MAN1C1: variants seen among roughly 807,000 people sequenced by gnomAD.
MAN1C1 encodes mannosyl-oligosaccharide 1,2-alpha-mannosidase IC.
In MAN1C1, 49 loss-of-function variants were observed where a neutral mutation model predicts 71.5. The observed-to-expected ratio is 0.69, with a 90% CI of 0.54 to 0.87. The LOEUF (loss-of-function observed/expected upper bound fraction) is 0.87, where lower values mean the gene tolerates loss of function less well. Ranked by LOEUF, MAN1C1 falls within the 40% of genes least tolerant of loss-of-function variation. The pLI is 0.00. For synonymous variants in MAN1C1, 352 were observed against 343.7 expected (o/e 1.02, Z -0.27); for missense variants, 743 against 835.0 (o/e 0.89, Z 1.36).
rs2047127835 is a variant in MAN1C1 at position 25,746,340 on chromosome 1, CAGAGA to C, written c.638-326_638-322del. On this transcript the variant is annotated intron_variant, in intron 2 of 11. Coordinates refer to ENST00000374332, the MANE Select transcript of MAN1C1 (RefSeq NM_020379.4). The surrounding 1 kb of genome is among the most constrained non-coding windows in gnomAD (Gnocchi z 4.0). Reference sequence around the variant, plus strand: ...AAACAAAGATTTTTATATGCCAAAGCAGAGAAAAGTGGGTGGCTGATTGGCACTGA... The same window carrying C: ...AAACAAAGATTTTTATATGCCAAAGCAAAGTGGGTGGCTGATTGGCACTGA... 6.6e-6 allele frequency among the ~76,000 whole-genome samples: 1 copy of C among 152,170 alleles called. No homozygotes were observed. The highest frequency in any genetic ancestry group is 2.1e-4 in the South Asian group (1 of 4,832).
At chr1:25,749,227 T>C (rs763325860) in intron 3 of MAN1C1, 28 bp from the exon 4 acceptor site, 6 of 1,598,532 alleles carry the variant, frequency 3.8e-6, no homozygotes, top group Non-Finnish European at 5.1e-6. Context: ...GTGTCCCCAC[T>C]GTCCCCCTCC....
chr1:25,670,522 CATTT>C (rs1484686703), intron 1 of MAN1C1, among the ~76,000 whole-genome samples: 4 of 152,212 alleles, frequency 2.6e-5, no homozygotes, highest in Non-Finnish European at 4.4e-5. Context: ...GGACATTTCT[CATTT>C]TCAAAGAGAA....
intron 2 of MAN1C1, among the ~76,000 whole-genome samples, chr1:25,697,783 T>C (rs1351398910): frequency 6.6e-6 from 1 of 152,214 alleles, no homozygotes; most frequent in African/African-American, 2.4e-5. Context: ...ATTGGTATGT[T>C]AAGTTTTAGT....
intron 2 of MAN1C1, among the ~76,000 whole-genome samples, chr1:25,718,524 T>C (rs1189081941): frequency 6.6e-6 from 1 of 152,242 alleles, no homozygotes; most frequent in East Asian, 1.9e-4. Flanking sequence ...TTTACAGCAT[T>C]GTATAAACAT....
chr1:25,702,929 CTG>C (rs2046466256), intron 2 of MAN1C1, among the ~76,000 whole-genome samples: 1 of 152,202 alleles, frequency 6.6e-6, no homozygotes, highest in East Asian at 1.9e-4. Context: ...GACTCAGACT[CTG>C]TGAATTGAAC....
At chr1:25,627,264 C>CTTG (rs1362719224) in intron 1 of MAN1C1, among the ~76,000 whole-genome samples, 78 of 149,994 alleles carry the variant, frequency 5.2e-4, no homozygotes, top group African/African-American at 1.9e-3. Flanking sequence ...CTCTTCTCTT[C>CTTG]TCTTCTCTTC....
At position 25,758,887 on chromosome 1, in the gene MAN1C1, G is replaced by A. The variant is rs1424242232; in HGVS notation, c.1047+178G>A. 56 of 616,688 alleles carry A rather than the reference G, an allele frequency of 9.1e-5. 1 individual carries two copies. The East Asian group carries it at 1.5e-3, about 17-fold the overall frequency. 38.2% of individuals were successfully genotyped at this position (616,688 alleles called of 1,614,324 possible). A position where few individuals can be genotyped will look rare whatever the true frequency, so the allele number is the denominator to read the frequency against. ...GTAGCTACCTATACCCCAACGCCAGGTGGCAGGGAAGGTGAGCACGCAGAG... is the reference window on the plus strand; with the variant it reads ...GTAGCTACCTATACCCCAACGCCAGATGGCAGGGAAGGTGAGCACGCAGAG... On this transcript the variant is annotated intron_variant, in intron 6 of 11. Coordinates refer to ENST00000374332, the MANE Select transcript of MAN1C1 (RefSeq NM_020379.4).
At position 25,670,295 on chromosome 1, in the gene MAN1C1, C is replaced by T. The variant is rs537235512; in HGVS notation, c.541-16145C>T. Among the ~76,000 whole-genome samples, 196 of 152,336 alleles carry T rather than the reference C, an allele frequency of 1.3e-3. 2 individuals are homozygous for T. Among genetic ancestry groups the T allele is most frequent in the African/African-American group, 4.7e-3 (195 of 41,566 alleles). The stretch of plus-strand genomic sequence containing the variant: ...GGAAACCAGCACTTGGAGATTCCTG[C>T]GTTCCATGTGCCTTGCAGGATCTCT... On this transcript the variant is annotated intron_variant, in intron 1 of 11. Coordinates refer to ENST00000374332, the MANE Select transcript of MAN1C1 (RefSeq NM_020379.4).
chr1:25,638,284 G>A (rs2045491718), intron 1 of MAN1C1, among the ~76,000 whole-genome samples: 1 of 152,006 alleles, frequency 6.6e-6, no homozygotes, highest in African/African-American at 2.4e-5. Context: ...CATGTATAAT[G>A]TAAGCCCTTT....
chr1:25,758,534 A>G (rs1557795543), intron 5 of MAN1C1, 58 bp from the exon 6 acceptor site: 5 of 1,484,982 alleles, frequency 3.4e-6, no homozygotes, highest in East Asian at 2.3e-5. Context: ...TGTTACTGTC[A>G]GCAGAGGAGC....
chr1:25,758,756 G>A lies in MAN1C1; in HGVS notation c.1047+47G>A, dbSNP rs116804396. 8,747 of 1,531,766 alleles carry A rather than the reference G, an allele frequency of 5.7e-3. 408 individuals are homozygous for A. The African/African-American group carries it at 0.099, about 17-fold the overall frequency. The allele number at this position is 1,531,766 out of a possible 1,614,324, so 94.9% of individuals were successfully genotyped here. A position where few individuals can be genotyped will look rare whatever the true frequency, so the allele number is the denominator to read the frequency against. On this transcript the variant is annotated intron_variant, in intron 6 of 11. Coordinates refer to ENST00000374332, the MANE Select transcript of MAN1C1 (RefSeq NM_020379.4). ...CTTCCTGCGGAGCAGAGGGATGAGC[G>A]TGCGGCTGCCACAGGGTTTTCAGAG...
chr1:25,660,474 G>A (rs1192012152), intron 1 of MAN1C1, among the ~76,000 whole-genome samples: 5 of 131,664 alleles, frequency 3.8e-5, no homozygotes, highest in Non-Finnish European at 7.7e-5. Flanking sequence ...CTCACTGCAA[G>A]CTCCGCCTCC....
chr1:25,733,271 C>T (rs1032263802), intron 2 of MAN1C1, among the ~76,000 whole-genome samples: 5 of 152,114 alleles, frequency 3.3e-5, no homozygotes, highest in South Asian at 4.1e-4. Context: ...TCTGGAGTCC[C>T]GTTGGGCCCA....
At chr1:25,681,236 A>AAAAG (rs1553186040) in intron 1 of MAN1C1, among the ~76,000 whole-genome samples, 5 of 151,850 alleles carry the variant, frequency 3.3e-5, no homozygotes, top group African/African-American at 1.2e-4. Context: ...CAAAAAAAAA[A>AAAAG]AAAAGAAAAG....
intron 2 of MAN1C1, among the ~76,000 whole-genome samples, chr1:25,700,209 G>A (rs2046420863): frequency 6.6e-6 from 1 of 152,164 alleles, no homozygotes; most frequent in Admixed American, 6.5e-5. Flanking sequence ...TCTGGGAATA[G>A]ACCATGTAGG....
chr1:25,778,178 T>TGGACC lies in MAN1C1; in HGVS notation c.1332_1336dup (p.His446ArgfsTer15). ...ATTGCCGAGTGGCGAGGGGGGATTC[T>TGGACC]GGACCACAAGATGGGGCACCTGGCC... is the stretch of plus-strand genomic sequence containing the variant. On this transcript the variant is annotated frameshift_variant, in exon 9 of 12. Coordinates refer to ENST00000374332, the MANE Select transcript of MAN1C1 (RefSeq NM_020379.4). LOFTEE classifies it high-confidence loss of function. This position sits in a 1 kb window ranked among gnomAD's most constrained non-coding sequence, Gnocchi z 5.5. 1 of 1,612,166 alleles carries TGGACC rather than the reference T, an allele frequency of 6.2e-7. No homozygotes were observed. Among genetic ancestry groups the TGGACC allele is most frequent in the Non-Finnish European group, 8.5e-7 (1 of 1,178,872 alleles).
rs1553183736 is a variant in MAN1C1 at position 25,657,289 on chromosome 1, C to CCTTCCCCACGCCTTTCTCAGTGCCT, written c.541-29142_541-29118dup. Among the ~76,000 whole-genome samples the CCTTCCCCACGCCTTTCTCAGTGCCT allele has an allele frequency of 4.6e-5, 7 of 152,306 alleles. 1 individual carries two copies. Among genetic ancestry groups the CCTTCCCCACGCCTTTCTCAGTGCCT allele is most frequent in the African/African-American group, 1.7e-4 (7 of 41,574 alleles). On this transcript the variant is annotated intron_variant, in intron 1 of 11. Coordinates refer to ENST00000374332, the MANE Select transcript of MAN1C1 (RefSeq NM_020379.4). ...GGAGCTTTCAGACTGAGCAGACTGCCCTTCCCCACGCCTTTCTCAGTGCCT... is the reference window on the plus strand; with the variant it reads ...GGAGCTTTCAGACTGAGCAGACTGCCCTTCCCCACGCCTTTCTCAGTGCCTCTTCCCCACGCCTTTCTCAGTGCCT...
intron 1 of MAN1C1, among the ~76,000 whole-genome samples, chr1:25,679,142 G>A (rs2046110143): frequency 6.6e-6 from 1 of 152,208 alleles, no homozygotes; most frequent in African/African-American, 2.4e-5. Context: ...TTCAAGAGAA[G>A]GGAGTGACCC....
intron 2 of MAN1C1, among the ~76,000 whole-genome samples, chr1:25,706,320 C>T (rs988724727): frequency 2.0e-5 from 3 of 152,202 alleles, no homozygotes; most frequent in Non-Finnish European, 4.4e-5. Context: ...CCCACATGAC[C>T]CAGATGTGCA....
Sources: allele counts gnomAD v4.1 joint callset (sites outside exome capture counted in the v4.1 genomes callset), GRCh38; gene constraint gnomAD v4.1.1; non-coding constraint Gnocchi (gnomAD v3.1); transcripts MANE v1.5; gene names NCBI Gene and HGNC (gene_info 2026-07-23, HGNC 2026-07-21).